The following FBXO32 variants were observed in gnomAD, a reference collection of about 807,000 sequenced individuals.
FBXO32 encodes F-box protein 32, also known as F-box only protein 32.
A neutral mutation model predicts 48.3 loss-of-function variants in FBXO32; 15 were observed. That is an observed-to-expected ratio of 0.31 (90% CI 0.21 to 0.48). The LOEUF (loss-of-function observed/expected upper bound fraction) is 0.48, where lower values mean the gene tolerates loss of function less well. FBXO32 is among the 20% of genes least tolerant of loss of function. The probability of loss-of-function intolerance (pLI) is 0.99; values close to 1 mark genes in which losing one functional copy is unlikely to be tolerated. For missense variants in FBXO32, 309 were observed against 432.7 expected (o/e 0.71, Z 2.54); for synonymous variants, 154 against 165.9 (o/e 0.93, Z 0.55).
rs1055790794 is a variant in FBXO32 at position 123,540,757 on chromosome 8, C to T, written c.116+142G>A. ...CCGAAGACCTCTGCAGAAATCGGGC[C>T]CCGTAGTCCCACCCTCCGGGTCAGG... On this transcript the variant is annotated intron_variant, in intron 1 of 8. Transcript: ENST00000517956. The surrounding 1 kb of genome is among the most constrained non-coding windows in gnomAD (Gnocchi z 6.4). 1.2e-5 allele frequency: 8 copies of T among 647,268 alleles called. No homozygotes were observed. The highest frequency in any genetic ancestry group is 7.4e-5 in the African/African-American group (4 of 53,924). The allele number at this position is 647,268 out of a possible 1,614,324, so 40.1% of individuals were successfully genotyped here. A position where few individuals can be genotyped will look rare whatever the true frequency, so the allele number is the denominator to read the frequency against.
At chr8:123,522,543 C>T (rs191070170) in intron 4 of FBXO32, among the ~76,000 whole-genome samples, 76 of 152,162 alleles carry the variant, frequency 5.0e-4, no homozygotes, top group African/African-American at 1.7e-3. Context: ...GCAGTTTATT[C>T]CCCATTACAT....
At chr8:123,509,350 A>G (rs868514832) in intron 6 of FBXO32, among the ~76,000 whole-genome samples, 44 of 152,172 alleles carry the variant, frequency 2.9e-4, no homozygotes, top group Admixed American at 5.2e-4. Context: ...GACTGAAGTA[A>G]TTAAGTCTTT....
At chr8:123,524,631 G>A (rs1817034154) in intron 4 of FBXO32, among the ~76,000 whole-genome samples, 1 of 152,154 alleles carries the variant, frequency 6.6e-6, no homozygotes, top group Non-Finnish European at 1.5e-5. Flanking sequence ...TGATTCTCAT[G>A]CCTCAGCCTC....
intron 2 of FBXO32, among the ~76,000 whole-genome samples, chr8:123,534,136 AC>A (rs1417970140): frequency 2.0e-5 from 3 of 150,618 alleles, no homozygotes; most frequent in African/African-American, 7.4e-5. Flanking sequence ...AAAAAAAAAA[AC>A]ACCCCTAATA....
intron 4 of FBXO32, among the ~76,000 whole-genome samples, chr8:123,531,264 G>A (rs1162624848): frequency 2.0e-5 from 3 of 152,184 alleles, no homozygotes; most frequent in African/African-American, 7.2e-5. Context: ...TTACAGGTGT[G>A]AGCCACCGCA....
At chr8:123,503,621 T>C (rs1816546812) in intron 8 of FBXO32, among the ~76,000 whole-genome samples, 159 bp from the exon 9 acceptor site, 2 of 152,068 alleles carry the variant, frequency 1.3e-5, no homozygotes, top group Non-Finnish European at 2.9e-5. Flanking sequence ...GCTGTGAAAG[T>C]AGATTTCATG....
Position 123,514,289 on chromosome 8 carries a change from G to A in FBXO32, c.417C>T (p.Gly139=). 2 of 1,613,492 alleles carry A rather than the reference G, an allele frequency of 1.2e-6. No individual in the cohort carries two copies. The highest frequency in any genetic ancestry group is 1.7e-6 in the Non-Finnish European group (2 of 1,179,800). ...TATTCATGAAGTTCTTTTGGGCGAT[G>A]CCACTCAGGGATGTGAGCTGTGACT... ...IAKSQLTSLS[G]IAQKNFMNIL... is the part of the protein sequence containing the mutation. Residue 139 remains glycine (G), a synonymous_variant, in exon 5 of 9, where the codon GGC becomes GGT. Transcript: ENST00000517956.
At chr8:123,517,809 T>C (rs1816870312) in intron 4 of FBXO32, among the ~76,000 whole-genome samples, 1 of 152,212 alleles carries the variant, frequency 6.6e-6, no homozygotes, top group Admixed American at 6.5e-5. Context: ...GATAAATATG[T>C]ACAAATCCAC....
At position 123,527,609 on chromosome 8, in the gene FBXO32, G is replaced by A. The variant is rs182040704; in HGVS notation, c.372+4289C>T. ...AATAGGCTAATCTCTGTCCCCAACT[G>A]TATCTGGCCCATGAATTCAGTCTTC... On this transcript the variant is annotated intron_variant, in intron 4 of 8. Coordinates refer to ENST00000517956, the MANE Select transcript of FBXO32 (RefSeq NM_058229.4). 8.5e-5 allele frequency among the ~76,000 whole-genome samples: 13 copies of A among 152,286 alleles called. No homozygotes were observed. In the East Asian group the frequency reaches 2.3e-3, roughly 27 times the overall value.
chr8:123,504,573 G>A lies in FBXO32; in HGVS notation c.978+31C>T, dbSNP rs73330050. On this transcript the variant is annotated intron_variant, in intron 8 of 8. Transcript: ENST00000517956. ...CTTGGCTCTTAGGGGCTGGGCTGGGGGTCTGTGGCAGCCACCTCTGAGACA... is the reference window on the plus strand; with the variant it reads ...CTTGGCTCTTAGGGGCTGGGCTGGGAGTCTGTGGCAGCCACCTCTGAGACA... The A allele has an allele frequency of 0.075, 120,466 of 1,599,220 alleles. 6,794 individuals are homozygous for A. Among genetic ancestry groups the A allele is most frequent in the African/African-American group, 0.29 (21,517 of 74,106 alleles).
At chr8:123,523,035 C>T (rs746015650) in intron 4 of FBXO32, among the ~76,000 whole-genome samples, 6 of 152,122 alleles carry the variant, frequency 3.9e-5, no homozygotes, top group African/African-American at 9.7e-5. Flanking sequence ...AGCAATTTGC[C>T]GCATGTGGAG....
At chr8:123,524,368 A>G (rs571736148) in intron 4 of FBXO32, among the ~76,000 whole-genome samples, 2 of 152,306 alleles carry the variant, frequency 1.3e-5, no homozygotes, top group East Asian at 3.9e-4. Context: ...TCCAAGAGAT[A>G]CAGATTTCCT....
chr8:123,507,727 C>T (rs1816658399), intron 6 of FBXO32, among the ~76,000 whole-genome samples: 2 of 151,826 alleles, frequency 1.3e-5, no homozygotes, highest in Non-Finnish European at 2.9e-5. Context: ...AGATCTACAT[C>T]CTTGAAGGCA....
chr8:123,505,450 ACCAC>A (rs879769465), intron 7 of FBXO32, among the ~76,000 whole-genome samples: 30,316 of 152,128 alleles, frequency 0.2, 3,896 homozygotes, highest in East Asian at 0.59. Flanking sequence ...AAAGTACTCT[ACCAC>A]ACAGGGTGCG....
In FBXO32 at chr8:123,540,903, T is replaced by C; in HGVS notation, c.112A>G (p.Ser38Gly). 6.2e-7 allele frequency: 1 copy of C among 1,613,034 alleles called. No individual in the cohort carries two copies. Among genetic ancestry groups the C allele is most frequent in the Non-Finnish European group, 8.5e-7 (1 of 1,179,424 alleles). ...GTTGGTAGCGGGTCCCCTCACCTGC[T>C]GAGGTCGCTCACGAAACTGCCGCTC... ...EKSGSFVSDLSSYCNKEVYNK... is the reference protein window; with the variant it reads ...EKSGSFVSDLGSYCNKEVYNK... The change falls in exon 1 of 9, where the codon AGC (serine) becomes GGC (glycine). Residue 38 changes from serine (S) to glycine (G), a missense_variant. Ser to Gly is a moderately conservative substitution (Grantham distance 56). Coordinates refer to ENST00000517956, the MANE Select transcript of FBXO32 (RefSeq NM_058229.4). This position sits in a 1 kb window ranked among gnomAD's most constrained non-coding sequence, Gnocchi z 6.4.
intron 4 of FBXO32, among the ~76,000 whole-genome samples, chr8:123,518,776 T>C (rs957236193): frequency 6.6e-6 from 1 of 152,286 alleles, no homozygotes; most frequent in Non-Finnish European, 1.5e-5. Context: ...CAGTAGCAAA[T>C]GCTGGAGCCA....
chr8:123,532,713 T>C (rs1817233238), intron 3 of FBXO32, among the ~76,000 whole-genome samples: 1 of 152,244 alleles, frequency 6.6e-6, no homozygotes, highest in African/African-American at 2.4e-5. Flanking sequence ...AAAATATACA[T>C]AAAAGGGCTT....
chr8:123,514,463 A>G (rs556817280), intron 4 of FBXO32, 130 bp from the exon 5 acceptor site: 9 of 554,228 alleles, frequency 1.6e-5, no homozygotes, highest in South Asian at 9.3e-5. Context: ...CAGGGCCACA[A>G]TGCAATAAAA....
chr8:123,519,340 T>C (rs1000996561), intron 4 of FBXO32, among the ~76,000 whole-genome samples: 8 of 151,848 alleles, frequency 5.3e-5, no homozygotes, highest in African/African-American at 1.9e-4. Flanking sequence ...GATCACGAGG[T>C]GAGGAGATCG....
Sources: allele counts gnomAD v4.1 joint callset (sites outside exome capture counted in the v4.1 genomes callset), GRCh38; gene constraint gnomAD v4.1.1; non-coding constraint Gnocchi (gnomAD v3.1); transcripts MANE v1.5; gene names NCBI Gene and HGNC (gene_info 2026-07-23, HGNC 2026-07-21).